RBFOX2: variants seen among roughly 807,000 people sequenced by gnomAD.
RBFOX2 encodes the protein RNA binding fox-1 homolog 2.
In RBFOX2, 10 loss-of-function variants were observed where a neutral mutation model predicts 49.1. That is an observed-to-expected ratio of 0.20 (90% confidence interval 0.13 to 0.35). RBFOX2 has a LOEUF of 0.35. Among genes scored for constraint, RBFOX2 ranks in the 10% least tolerant of loss-of-function variants. The pLI, the probability that RBFOX2 is intolerant of heterozygous loss-of-function variation, is 1.00. For missense variants in RBFOX2, 323 were observed against 486.9 expected (o/e 0.66, Z 3.17); for synonymous variants, 183 against 187.4 (o/e 0.98, Z 0.19).
intron 1 of RBFOX2, among the ~76,000 whole-genome samples, chr22:35,846,487 T>C (rs1003034122): frequency 6.6e-6 from 1 of 151,788 alleles, no homozygotes; most frequent in African/African-American, 2.4e-5. Context: ...CTGGGCATAG[T>C]GGCTCACGCC....
At chr22:35,940,957 G>T (rs1023487340), upstream of RBFOX2, among the ~76,000 whole-genome samples, 1 of 152,118 alleles carries the variant, frequency 6.6e-6, no homozygotes, top group Non-Finnish European at 1.5e-5. Flanking sequence ...CGGCTACCAG[G>T]TTTATCTGGA....
At chr22:35,825,981 CAAAAAAAAAAAA>C (rs901630936) in intron 1 of RBFOX2, among the ~76,000 whole-genome samples, 1 of 39,860 alleles carries the variant, frequency 2.5e-5, no homozygotes, top group Non-Finnish European at 4.8e-5. Flanking sequence ...GACTCCGCTT[CAAAAAAAAAAAA>C]AAAAAAAAAA....
Position 35,856,862 on chromosome 22 carries a change from T to C in RBFOX2, c.-33-46858A>G, listed in dbSNP as rs564167506. ...AGCTTGGGCAACACGGTGAAACCCATCTCTACTAAAATACAAAAAATTAGC... is the reference window on the plus strand; with the variant it reads ...AGCTTGGGCAACACGGTGAAACCCACCTCTACTAAAATACAAAAAATTAGC... On this transcript the variant is annotated intron_variant, in intron 1 of 13. Transcript: ENST00000359369. Among the ~76,000 whole-genome samples, 540 of 152,048 alleles carry C rather than the reference T, an allele frequency of 3.6e-3. 4 individuals are homozygous for C. Among genetic ancestry groups the C allele is most frequent in the Non-Finnish European group, 3.0e-3 (207 of 67,974 alleles).
At chr22:35,998,286 A>G (rs1361820367) in intron 1 of RBFOX2, 1 of 152,222 alleles carries the variant, frequency 6.6e-6, no homozygotes, top group African/African-American at 2.4e-5. Context: ...TCATCTAACC[A>G]ACTCAATCAA....
chr22:35,755,638 C>T (rs1441772917), intron 9 of RBFOX2, among the ~76,000 whole-genome samples: 2 of 152,146 alleles, frequency 1.3e-5, no homozygotes, highest in Non-Finnish European at 2.9e-5. Flanking sequence ...GCTTATTAAC[C>T]TCTAAATCAC....
chr22:35,788,116 T>C (rs1371087412), intron 2 of RBFOX2, among the ~76,000 whole-genome samples: 1 of 152,194 alleles, frequency 6.6e-6, no homozygotes, highest in Admixed American at 6.5e-5. Context: ...TTTGATGACT[T>C]CAAATTTTTA....
At chr22:35,828,491 A>G (rs2079229933) in intron 1 of RBFOX2, among the ~76,000 whole-genome samples, 1 of 152,184 alleles carries the variant, frequency 6.6e-6, no homozygotes, top group Non-Finnish European at 1.5e-5. Flanking sequence ...AGCTCTAAAG[A>G]TCTCAAGTAC....
At position 35,761,332 on chromosome 22, in the gene RBFOX2, ATT is replaced by A. The variant is rs778520067; in HGVS notation, c.662-40_662-39del. On this transcript the variant is annotated intron_variant, in intron 7 of 11. Transcript: ENST00000405409. ...TTAAAAAATTTAAAAATGCAAGAAGATTAAAAAGGAGTCACAAATTGAAAAAC... is the reference window on the plus strand; with the variant it reads ...TTAAAAAATTTAAAAATGCAAGAAGAAAAAAGGAGTCACAAATTGAAAAAC... The A allele has an allele frequency of 3.7e-6, 6 of 1,613,232 alleles. No individual in the cohort carries two copies. In the African/African-American group the frequency reaches 8.0e-5, roughly 22 times the overall value.
At chr22:35,828,156 G>A (rs1956120188) in intron 1 of RBFOX2, among the ~76,000 whole-genome samples, 1 of 130,268 alleles carries the variant, frequency 7.7e-6, no homozygotes, top group East Asian at 2.3e-4. Context: ...CTAAGAATCT[G>A]TCTCAAAAAA....
At chr22:35,905,072 G>A (rs1024901482) in intron 1 of RBFOX2, among the ~76,000 whole-genome samples, 6 of 152,116 alleles carry the variant, frequency 3.9e-5, no homozygotes, top group Admixed American at 1.3e-4. Flanking sequence ...AATTTTCATC[G>A]GCAGGAAAAC....
intron 2 of RBFOX2, 127 bp downstream of exon 3, chr22:35,809,650 GAGA>G: frequency 3.0e-6 from 3 of 1,012,906 alleles, no homozygotes; most frequent in Non-Finnish European, 3.0e-6. Flanking sequence ...ATGCTGTTGA[GAGA>G]AGGTGTAAAT....
chr22:36,011,170 C>A (rs551955333), intron 1 of RBFOX2, among the ~76,000 whole-genome samples: 2 of 152,172 alleles, frequency 1.3e-5, no homozygotes, highest in African/African-American at 4.8e-5. Flanking sequence ...ATGACATATA[C>A]GATAGCTGAC....
At chr22:35,764,289 T>TA (rs1345268052) in intron 6 of RBFOX2, among the ~76,000 whole-genome samples, 1 of 151,964 alleles carries the variant, frequency 6.6e-6, no homozygotes, top group East Asian at 1.9e-4. Context: ...TCAAACTTTT[T>TA]AAAAAAACAG....
intron 1 of RBFOX2, chr22:35,997,263 G>A (rs1328034942): frequency 6.6e-6 from 1 of 152,170 alleles, no homozygotes; most frequent in African/African-American, 2.4e-5. Flanking sequence ...TCACACAATA[G>A]AAGCGGTCAT....
intron 1 of RBFOX2, chr22:35,994,256 A>T (rs2058094431): frequency 6.6e-6 from 1 of 152,010 alleles, no homozygotes; most frequent in Non-Finnish European, 1.5e-5. Context: ...TAGCATTTCA[A>T]CATGTTGATT....
At chr22:36,007,416 T>C (rs1210980973) in intron 1 of RBFOX2, among the ~76,000 whole-genome samples, 1 of 152,180 alleles carries the variant, frequency 6.6e-6, no homozygotes, top group African/African-American at 2.4e-5. Context: ...AGAATTGGCA[T>C]ACTTTTTCTC....
At chr22:35,793,387 T>C (rs924410399) in intron 2 of RBFOX2, among the ~76,000 whole-genome samples, 17 of 151,974 alleles carry the variant, frequency 1.1e-4, no homozygotes, top group African/African-American at 4.1e-4. Context: ...AATAAATAAA[T>C]CAATGAATAA....
At chr22:35,932,558 T>C (rs747959837) in intron 1 of RBFOX2, among the ~76,000 whole-genome samples, 1 of 152,186 alleles carries the variant, frequency 6.6e-6, no homozygotes, top group Non-Finnish European at 1.5e-5. Context: ...AAAATATAGT[T>C]TTGAGAAGTC....
At chr22:35,833,301 T>G (rs1262557990) in intron 1 of RBFOX2, among the ~76,000 whole-genome samples, 1 of 152,180 alleles carries the variant, frequency 6.6e-6, no homozygotes, top group African/African-American at 2.4e-5. Flanking sequence ...ATATTTGGTT[T>G]TTATGTAGAA....
Sources: gnomAD v4.1 joint callset for allele counts (sites outside exome capture counted in the v4.1 genomes callset) on GRCh38, gnomAD v4.1.1 for gene constraint, MANE v1.5 for transcripts, NCBI Gene and HGNC (gene_info 2026-07-23, HGNC 2026-07-21) for gene names.